The following SGCZ variants were observed in gnomAD, a reference collection of about 807,000 sequenced individuals.
SGCZ encodes zeta-sarcoglycan.
SGCZ carries 40 observed loss-of-function variants against 41.3 expected under a neutral mutation model. That is an observed-to-expected ratio of 0.97 (90% confidence interval 0.75 to 1.26). SGCZ has a LOEUF of 1.26. Ranked by LOEUF, SGCZ falls within the 50% of genes most tolerant of loss-of-function variation. The pLI, the probability that SGCZ is intolerant of heterozygous loss-of-function variation, is 0.00. For missense variants in SGCZ, 552 were observed against 369.8 expected (o/e 1.49, Z -4.04); for synonymous variants, 206 against 137.5 (o/e 1.50, Z -3.49).
At chr8:15,076,753 CATT>C (rs1805547702) in intron 1 of SGCZ, among the ~76,000 whole-genome samples, 2 of 143,740 alleles carry the variant, frequency 1.4e-5, no homozygotes, top group Admixed American at 6.8e-5. Context: ...AAGTCTCTCT[CATT>C]TTTTTTTTTT....
chr8:14,395,396 C>G (rs1798883644), intron 2 of SGCZ, among the ~76,000 whole-genome samples: 1 of 152,052 alleles, frequency 6.6e-6, no homozygotes, highest in Admixed American at 6.6e-5. Flanking sequence ...GGAAGTATAG[C>G]ATATTTAACA....
At chr8:14,234,564 C>G (rs1048357618) in intron 4 of SGCZ, among the ~76,000 whole-genome samples, 20 of 151,940 alleles carry the variant, frequency 1.3e-4, no homozygotes, top group African/African-American at 4.6e-4. Flanking sequence ...TGAAGAGTAA[C>G]TGAAATTCTT....
chr8:14,980,604 G>A (rs965063661), intron 1 of SGCZ, among the ~76,000 whole-genome samples: 5 of 152,124 alleles, frequency 3.3e-5, no homozygotes, highest in Non-Finnish European at 4.4e-5. Context: ...CACGTCTTAC[G>A]TGAATGGCAG....
intron 1 of SGCZ, among the ~76,000 whole-genome samples, chr8:15,162,367 T>A (rs533797564): frequency 2.0e-4 from 31 of 152,220 alleles, no homozygotes; most frequent in Admixed American, 1.7e-3. Context: ...TTATGTGGAG[T>A]TATTCAGGAG....
intron 1 of SGCZ, among the ~76,000 whole-genome samples, chr8:14,572,841 T>A (rs1804595887): frequency 6.6e-6 from 1 of 152,204 alleles, no homozygotes; most frequent in South Asian, 2.1e-4. Flanking sequence ...GATTTTTAAA[T>A]CCAGGTCTGT....
At chr8:14,253,143 A>C (rs933942710) in intron 3 of SGCZ, among the ~76,000 whole-genome samples, 8 of 152,122 alleles carry the variant, frequency 5.3e-5, no homozygotes, top group African/African-American at 1.7e-4. Context: ...TTAAGAATAA[A>C]ACAGTAGATA....
intron 2 of SGCZ, among the ~76,000 whole-genome samples, chr8:14,476,593 A>T (rs908375159): frequency 2.0e-5 from 3 of 152,178 alleles, no homozygotes; most frequent in Admixed American, 2.0e-4. Flanking sequence ...ATCTATGGCT[A>T]ATGGTCAATC....
chr8:15,108,903 G>GCA lies in SGCZ; in HGVS notation c.39+128681_39+128682insTG, dbSNP rs1475893445. 2.7e-3 allele frequency among the ~76,000 whole-genome samples: 404 copies of GCA among 152,202 alleles called. 8 individuals are homozygous for GCA. The highest frequency in any genetic ancestry group is 4.7e-4 in the Non-Finnish European group (32 of 67,994). On this transcript the variant is annotated intron_variant, in intron 1 of 7. Coordinates refer to ENST00000382080, the MANE Select transcript of SGCZ (RefSeq NM_139167.4). ...TAGTTGTTACGCAGTGACAGATACA[G>GCA]GTTATCCTCAGTTTCAGTGAAAGAA... is the stretch of plus-strand genomic sequence containing the variant.
At chr8:14,159,497 G>GACTT (rs1010853939) in intron 5 of SGCZ, among the ~76,000 whole-genome samples, 12 of 152,272 alleles carry the variant, frequency 7.9e-5, no homozygotes, top group Middle Eastern at 3.4e-3. Context: ...TTCACCTGGA[G>GACTT]ACTTAAGGGG....
intron 2 of SGCZ, among the ~76,000 whole-genome samples, chr8:14,536,450 A>G (rs1377000638): frequency 2.0e-5 from 3 of 152,002 alleles, no homozygotes; most frequent in South Asian, 4.1e-4. Flanking sequence ...TATTTGAACG[A>G]GATCTACTTT....
At chr8:15,164,993 C>G (rs1008530462) in intron 1 of SGCZ, among the ~76,000 whole-genome samples, 3 of 152,080 alleles carry the variant, frequency 2.0e-5, no homozygotes, top group Non-Finnish European at 4.4e-5. Flanking sequence ...TGATGTGTGT[C>G]AAAAGAGCTC....
At chr8:15,131,445 C>G (rs1175593114) in intron 1 of SGCZ, among the ~76,000 whole-genome samples, 1 of 152,182 alleles carries the variant, frequency 6.6e-6, no homozygotes, top group Non-Finnish European at 1.5e-5. Flanking sequence ...AACCTCTTTT[C>G]CTTTATAAAT....
intron 1 of SGCZ, among the ~76,000 whole-genome samples, chr8:14,723,315 G>T (rs774580268): frequency 2.0e-5 from 3 of 152,238 alleles, no homozygotes; most frequent in Non-Finnish European, 4.4e-5. Flanking sequence ...ACCAGGGCTT[G>T]TTCCTGGCCC....
At chr8:14,690,124 T>C (rs925060678) in intron 1 of SGCZ, among the ~76,000 whole-genome samples, 4 of 151,954 alleles carry the variant, frequency 2.6e-5, no homozygotes, top group African/African-American at 7.2e-5. Context: ...TTTTTTTTTT[T>C]TTTTTAAAGT....
chr8:14,415,211 C>T (rs1799462453), intron 2 of SGCZ, among the ~76,000 whole-genome samples: 1 of 151,798 alleles, frequency 6.6e-6, no homozygotes, highest in Admixed American at 6.6e-5. Flanking sequence ...GTTCATGATT[C>T]ATTTAAATAT....
In SGCZ at chr8:14,719,471, T is replaced by C. The variant is rs879533575; in HGVS notation, c.40-164545A>G. On this transcript the variant is annotated intron_variant, in intron 1 of 7. Transcript: ENST00000382080. ...TTGAACTAGTTTACAGTCCCACCAATAGTGTAAAAGTGTTCCTATTTCTCC... is the reference window on the plus strand; with the variant it reads ...TTGAACTAGTTTACAGTCCCACCAACAGTGTAAAAGTGTTCCTATTTCTCC... Among the ~76,000 whole-genome samples the C allele has an allele frequency of 9.4e-3, 1,421 of 151,230 alleles. 17 individuals carry two copies. Among genetic ancestry groups the C allele is most frequent in the Middle Eastern group, 0.027 (8 of 292 alleles).
At chr8:14,582,836 A>G (rs1804936809) in intron 1 of SGCZ, among the ~76,000 whole-genome samples, 1 of 150,700 alleles carries the variant, frequency 6.6e-6, no homozygotes, top group Non-Finnish European at 1.5e-5. Context: ...AAGGACATGA[A>G]CTCATCATTT....
chr8:14,423,776 C>G (rs368837627), intron 2 of SGCZ, among the ~76,000 whole-genome samples: 56 of 152,120 alleles, frequency 3.7e-4, no homozygotes, highest in Middle Eastern at 6.8e-3. Context: ...CTTCCGTCCC[C>G]CCATCTTTCT....
At chr8:14,452,368 A>G (rs947557613) in intron 2 of SGCZ, among the ~76,000 whole-genome samples, 1 of 152,118 alleles carries the variant, frequency 6.6e-6, no homozygotes, top group African/African-American at 2.4e-5. Flanking sequence ...TCTGTGTGAT[A>G]TCGTAACGGT....
Sources: allele counts gnomAD v4.1 joint callset (sites outside exome capture counted in the v4.1 genomes callset), GRCh38; gene constraint gnomAD v4.1.1; transcripts MANE v1.5; gene names NCBI Gene and HGNC (gene_info 2026-07-23, HGNC 2026-07-21).